TUBGCP3: variants seen among roughly 807,000 people sequenced by gnomAD.
The protein encoded by TUBGCP3 is tubulin gamma complex component 3.
TUBGCP3 carries 50 observed loss-of-function variants against 123.1 expected under a neutral mutation model. The observed-to-expected ratio is 0.41, with a 90% CI of 0.32 to 0.51. The LOEUF is 0.51. Ranked by LOEUF, TUBGCP3 falls within the 20% of genes least tolerant of loss-of-function variation. TUBGCP3 has a pLI of 0.36. For synonymous variants in TUBGCP3, 405 were observed against 413.9 expected (o/e 0.98, Z 0.26); for missense variants, 882 against 1,127.0 (o/e 0.78, Z 3.11).
chr13:112,503,398 C>A (rs898556251), intron 19 of TUBGCP3, among the ~76,000 whole-genome samples: 2 of 152,158 alleles, frequency 1.3e-5, no homozygotes, highest in African/African-American at 4.8e-5. Context: ...GAGACAGTGT[C>A]TCGATCTGTT....
chr13:112,553,765 C>T (rs1292666888), intron 8 of TUBGCP3, among the ~76,000 whole-genome samples: 1 of 152,238 alleles, frequency 6.6e-6, no homozygotes, highest in Admixed American at 6.5e-5. Context: ...GCAGGGCCCC[C>T]TTCGAGCGTT....
chr13:112,588,720 C>A (rs1406967361), upstream of TUBGCP3, among the ~76,000 whole-genome samples: 1 of 152,188 alleles, frequency 6.6e-6, no homozygotes, highest in Non-Finnish European at 1.5e-5. Context: ...TACACCAAGC[C>A]AACTTCAGTG....
intron 8 of TUBGCP3, 123 bp from the exon 9 acceptor site, chr13:112,548,299 G>T: frequency 1.8e-6 from 1 of 561,540 alleles, no homozygotes; most frequent in Non-Finnish European, 3.0e-6. Context: ...TTAAATTCAG[G>T]TTTTGTCAAT....
rs938999761 is a variant in TUBGCP3 at position 112,511,419 on chromosome 13, T to C, written c.2086+5021A>G. 1.3e-5 allele frequency among the ~76,000 whole-genome samples: 2 copies of C among 152,196 alleles called. No individual in the cohort carries two copies. The highest frequency in any genetic ancestry group is 4.8e-5 in the African/African-American group (2 of 41,450). Reference sequence around the variant, plus strand: ...TACACCTTTCTGCAAACACAGCAACTTTTCATTTCAAAATAGAGCCAGGGT... The same window carrying C: ...TACACCTTTCTGCAAACACAGCAACCTTTCATTTCAAAATAGAGCCAGGGT... On this transcript the variant is annotated intron_variant, in intron 17 of 21. Coordinates refer to ENST00000261965, the MANE Select transcript of TUBGCP3 (RefSeq NM_006322.6). This position sits in a 1 kb window ranked among gnomAD's most constrained non-coding sequence, Gnocchi z 4.1.
At position 112,498,693 on chromosome 13, in the gene TUBGCP3, C is replaced by T. The variant is rs114961140; in HGVS notation, c.2448+352G>A. The stretch of plus-strand genomic sequence containing the variant: ...CGTTTGCAAAATGCAGCATGGTGCA[C>T]GATCCACAAGCTTCAAACACAGAGT... On this transcript the variant is annotated intron_variant, in intron 20 of 21. Coordinates refer to ENST00000261965, the MANE Select transcript of TUBGCP3 (RefSeq NM_006322.6). The T allele has an allele frequency of 5.2e-5, 72 of 1,372,756 alleles. No individual in the cohort carries two copies. In the African/African-American group the frequency reaches 9.2e-4, roughly 18 times the overall value. The allele number at this position is 1,372,756 out of a possible 1,614,324, so 85.0% of individuals were successfully genotyped here.
At chr13:112,596,303 G>T in the TUBGCP3 span, among the ~76,000 whole-genome samples, 2 of 152,136 alleles carry the variant, frequency 1.3e-5, no homozygotes, top group Admixed American at 6.5e-5. Context: ...GGATAGGTAT[G>T]ATGGCAGCAA....
chr13:112,505,945 C>T (rs1312290632), intron 17 of TUBGCP3, among the ~76,000 whole-genome samples: 1 of 152,040 alleles, frequency 6.6e-6, no homozygotes, highest in Non-Finnish European at 1.5e-5. Context: ...CTAGAATTCT[C>T]GAACACAGAG....
At chr13:112,516,394 G>C in intron 17 of TUBGCP3, 46 bp downstream of exon 17, 1 of 1,497,970 alleles carries the variant, frequency 6.7e-7, no homozygotes, top group Non-Finnish European at 9.0e-7. Flanking sequence ...GGGGGCTGGA[G>C]GCCGCTGGGA....
At chr13:112,495,050 G>C (rs1186472229) in intron 20 of TUBGCP3, among the ~76,000 whole-genome samples, 1 of 151,990 alleles carries the variant, frequency 6.6e-6, no homozygotes, top group African/African-American at 2.4e-5. Flanking sequence ...GTTTCCTTTG[G>C]GTGCTTGTTA....
Position 112,558,325 on chromosome 13 carries a change from G to A in TUBGCP3, c.419C>T (p.Pro140Leu), listed in dbSNP as rs1030505171. Residue 140 changes from proline to leucine, a missense_variant, in exon 5 of 22, where the codon CCC (proline) becomes CTC (leucine). Around this residue, in one of 3 missense-constraint regions of TUBGCP3, gnomAD observed 713 missense variants for 874.0 expected, o/e 0.82. Transcript: ENST00000261965. ...PYYYARPQTL[P>L]LSYQDRSAQS... ...GGCACTCCGATCTTGGTAGCTCAGG[G>A]GAAGGGTCTGAGGCCTGGCATAGTA... 1.2e-6 allele frequency: 2 copies of A among 1,613,932 alleles called. No homozygotes were observed. The highest frequency in any genetic ancestry group is 2.7e-5 in the African/African-American group (2 of 74,950).
intron 11 of TUBGCP3, among the ~76,000 whole-genome samples, chr13:112,536,144 T>G (rs1170274259): frequency 6.6e-6 from 1 of 152,266 alleles, no homozygotes; most frequent in African/African-American, 2.4e-5. Context: ...TCACATTGTT[T>G]TGATTACCTT....
chr13:112,555,132 A>G, intron 6 of TUBGCP3, 127 bp from the exon 7 acceptor site: 2 of 617,316 alleles, frequency 3.2e-6, no homozygotes, highest in Non-Finnish European at 5.6e-6. Context: ...TCAATAAATA[A>G]GCTCAAGATG....
chr13:112,530,120 T>A (rs775398407), intron 11 of TUBGCP3, among the ~76,000 whole-genome samples: 19 of 152,208 alleles, frequency 1.2e-4, no homozygotes, highest in Non-Finnish European at 2.5e-4. Flanking sequence ...TGGCCTCAGT[T>A]GATTTCATGA....
intron 1 of TUBGCP3, among the ~76,000 whole-genome samples, chr13:112,582,114 A>G (rs1167985128): frequency 6.6e-6 from 1 of 152,264 alleles, no homozygotes; most frequent in African/African-American, 2.4e-5. Flanking sequence ...AAGAAATTAG[A>G]CATAGCAATC....
At chr13:112,603,094 T>C in the TUBGCP3 span, 9 of 152,230 alleles carry the variant, frequency 5.9e-5, no homozygotes, top group East Asian at 1.7e-3. Flanking sequence ...TCCTCGCGCC[T>C]GCATTCTCAG....
At chr13:112,543,204 C>A (rs1878678150) in intron 11 of TUBGCP3, among the ~76,000 whole-genome samples, 1 of 151,742 alleles carries the variant, frequency 6.6e-6, no homozygotes, top group African/African-American at 2.4e-5. Context: ...GAAATGGACA[C>A]AATTCTTCAT....
At chr13:112,543,021 G>A (rs9549537) in intron 11 of TUBGCP3, among the ~76,000 whole-genome samples, 22,189 of 152,154 alleles carry the variant, frequency 0.15, 1,933 homozygotes, top group Non-Finnish European at 0.2. Flanking sequence ...GTAGCAGCGT[G>A]CGCCTGTAGT....
At chr13:112,502,292 T>C (rs1880960855) in intron 19 of TUBGCP3, among the ~76,000 whole-genome samples, 1 of 152,222 alleles carries the variant, frequency 6.6e-6, no homozygotes, top group Admixed American at 6.5e-5. Flanking sequence ...AGAGCCTGTG[T>C]CTGTCTTGCC....
At chr13:112,598,802 G>A in the TUBGCP3 span, among the ~76,000 whole-genome samples, 2 of 151,946 alleles carry the variant, frequency 1.3e-5, no homozygotes, top group Non-Finnish European at 2.9e-5. Context: ...AAATTAGCCG[G>A]GCATCGTGGC....
Sources: gnomAD v4.1 joint callset for allele counts (sites outside exome capture counted in the v4.1 genomes callset) on GRCh38, gnomAD v4.1.1 for gene constraint, gnomAD v4.1.1 regional missense constraint, Gnocchi (gnomAD v3.1) non-coding constraint, MANE v1.5 for transcripts, NCBI Gene and HGNC (gene_info 2026-07-23, HGNC 2026-07-21) for gene names.